The following MRPL45 variants were observed in gnomAD, a reference collection of about 807,000 sequenced individuals.
MRPL45 encodes the protein large ribosomal subunit protein mL45.
In MRPL45, 20 loss-of-function variants were observed where a neutral mutation model predicts 38.1. The observed-to-expected ratio is 0.53, with a 90% CI of 0.37 to 0.76. The LOEUF is 0.76. MRPL45 is among the 30% of genes least tolerant of loss of function. The probability of loss-of-function intolerance (pLI) is 0.00; values close to 1 mark genes in which losing one functional copy is unlikely to be tolerated. For missense variants in MRPL45, 337 were observed against 395.6 expected (o/e 0.85, Z 1.26); for synonymous variants, 105 against 128.8 (o/e 0.82, Z 1.25).
At chr17:38,312,673 TC>T in intron 4 of MRPL45, among the ~76,000 whole-genome samples, 1 of 152,114 alleles carries the variant, frequency 6.6e-6, no homozygotes, top group Admixed American at 6.6e-5. Flanking sequence ...TAAGACCCCA[TC>T]TCTATAAAAA....
intron 6 of MRPL45, 31 bp from the exon 7 acceptor site, chr17:38,322,095 T>G: frequency 6.3e-7 from 1 of 1,599,838 alleles, no homozygotes; most frequent in Non-Finnish European, 8.5e-7. Context: ...CCAAAAAAAC[T>G]AAGAGGCCAG....
At chr17:38,316,566 T>C (rs2144233071) in intron 4 of MRPL45, among the ~76,000 whole-genome samples, 1 of 151,822 alleles carries the variant, frequency 6.6e-6, no homozygotes, top group Non-Finnish European at 1.5e-5. Flanking sequence ...TCCAGTACTT[T>C]GGGAGGCCGA....
chr17:38,306,386 G>A (rs2037054276), intron 3 of MRPL45, 147 bp from the exon 4 acceptor site: 15 of 779,426 alleles, frequency 1.9e-5, no homozygotes, highest in Non-Finnish European at 2.5e-5. Context: ...TCCAGCCTGG[G>A]TGACAGAGCG....
intron 4 of MRPL45, among the ~76,000 whole-genome samples, chr17:38,312,539 A>C (rs1237908723): frequency 5.3e-5 from 8 of 151,880 alleles, no homozygotes; most frequent in Non-Finnish European, 1.0e-4. Flanking sequence ...TATACTCAGA[A>C]CTGAAGTTGT....
intron 5 of MRPL45, among the ~76,000 whole-genome samples, chr17:38,320,214 C>T (rs2037216054): frequency 6.6e-6 from 1 of 152,180 alleles, no homozygotes; most frequent in Non-Finnish European, 1.5e-5. Context: ...GTAAAATTCC[C>T]ACTTTTCATT....
intron 4 of MRPL45, among the ~76,000 whole-genome samples, chr17:38,317,754 T>C (rs1030855101): frequency 6.6e-6 from 1 of 151,872 alleles, no homozygotes; most frequent in East Asian, 1.9e-4. Context: ...TTTGTATTTT[T>C]AGTAGAGATG....
At chr17:38,306,735 T>A in intron 4 of MRPL45, 104 bp downstream of exon 4, 1 of 1,428,652 alleles carries the variant, frequency 7.0e-7, no homozygotes, top group Non-Finnish European at 9.6e-7. Context: ...AAATTTGTTT[T>A]CTGCCTTCAG....
chr17:38,306,602 C>G lies in MRPL45; in HGVS notation c.432C>G (p.Ile144Met). 6.2e-7 allele frequency: 1 copy of G among 1,613,444 alleles called. No homozygotes were observed. Among genetic ancestry groups the G allele is most frequent in the Non-Finnish European group, 8.5e-7 (1 of 1,179,800 alleles). The change falls in exon 4 of 8, where the codon ATC (isoleucine) becomes ATG (methionine). Residue 144 changes from isoleucine (I) to methionine (M), a missense_variant. Coordinates refer to ENST00000613675, the MANE Select transcript of MRPL45 (RefSeq NM_032351.6). ...ACTTCCCTGAAAAAGCTAAGGATATCTTTATTGAAGCTCACCTTTGTCTAA... is the reference window on the plus strand; with the variant it reads ...ACTTCCCTGAAAAAGCTAAGGATATGTTTATTGAAGCTCACCTTTGTCTAA... ...IKDFPEKAKD[I>M]FIEAHLCLNN...
chr17:38,311,703 A>G (rs1211654008), intron 4 of MRPL45, among the ~76,000 whole-genome samples: 68 of 149,312 alleles, frequency 4.6e-4, no homozygotes, highest in Middle Eastern at 3.4e-3. Flanking sequence ...AAAAAAAAAA[A>G]AGAGACCTGA....
intron 1 of MRPL45, among the ~76,000 whole-genome samples, chr17:38,298,240 A>G (rs1330902478): frequency 6.6e-6 from 1 of 152,096 alleles, no homozygotes; most frequent in Non-Finnish European, 1.5e-5. Flanking sequence ...GCCTTTAGTA[A>G]ATGTGATGTT....
In MRPL45 at chr17:38,322,629, G is replaced by A; in HGVS notation, c.*34G>A. Reference sequence around the variant, plus strand: ...ATGACTTCTAGGGTGAAGCCTGGGTGATGAGGCTGCTGGAAGCTTTGAAGT... The same window carrying A: ...ATGACTTCTAGGGTGAAGCCTGGGTAATGAGGCTGCTGGAAGCTTTGAAGT... On this transcript the variant is annotated 3_prime_UTR_variant, in exon 8 of 8. Coordinates refer to ENST00000613675, the MANE Select transcript of MRPL45 (RefSeq NM_032351.6). 1.3e-6 allele frequency: 2 copies of A among 1,545,560 alleles called. No individual in the cohort carries two copies. The highest frequency in any genetic ancestry group is 8.9e-7 in the Non-Finnish European group (1 of 1,123,830).
chr17:38,321,998 C>G (rs1287643436), intron 6 of MRPL45, 128 bp from the exon 7 acceptor site: 2 of 958,020 alleles, frequency 2.1e-6, no homozygotes, highest in Admixed American at 2.3e-5. Flanking sequence ...TGCCACTGCA[C>G]TCCAGCCAGG....
intron 4 of MRPL45, among the ~76,000 whole-genome samples, chr17:38,313,779 C>T (rs1221198436): frequency 6.6e-6 from 1 of 151,574 alleles, no homozygotes; most frequent in African/African-American, 2.4e-5. Flanking sequence ...TCTCCTGCCT[C>T]AGCCTCCCGA....
intron 4 of MRPL45, among the ~76,000 whole-genome samples, chr17:38,312,940 T>C (rs1449869804): frequency 6.6e-6 from 1 of 151,836 alleles, no homozygotes; most frequent in Non-Finnish European, 1.5e-5. Flanking sequence ...AGGATTCCAG[T>C]TTCTCTACAT....
chr17:38,322,077 C>T, intron 6 of MRPL45, 49 bp from the exon 7 acceptor site: 1 of 1,573,810 alleles, frequency 6.4e-7, no homozygotes, highest in Non-Finnish European at 8.7e-7. Context: ...ACAACTCACA[C>T]TCACACACCA....
rs1597652659 is a variant in MRPL45 at position 38,313,335 on chromosome 17, T to TATATATATATAC, written c.462-5351_462-5340dup. On this transcript the variant is annotated intron_variant, in intron 4 of 7. Coordinates refer to ENST00000613675, the MANE Select transcript of MRPL45 (RefSeq NM_032351.6). Reference sequence around the variant, plus strand: ...AAATATATATATATATATATATACATATATATATATACGTATATATATATA... The same window carrying TATATATATATAC: ...AAATATATATATATATATATATACATATATATATATACATATATATATACGTATATATATATA... Among the ~76,000 whole-genome samples the TATATATATATAC allele has an allele frequency of 1.7e-3, 32 of 18,516 alleles. 4 individuals carry two copies. In the East Asian group the frequency reaches 0.03, roughly 17 times the overall value. The allele number at this position is 18,516 out of a possible 152,430, so 12.1% of individuals were successfully genotyped here.
At chr17:38,309,697 A>C (rs367998760) in intron 4 of MRPL45, among the ~76,000 whole-genome samples, 2 of 151,752 alleles carry the variant, frequency 1.3e-5, no homozygotes, top group East Asian at 3.9e-4. Flanking sequence ...GGCTTCAAGC[A>C]ATCCTTCCAC....
At chr17:38,299,582 A>G (rs2144198922) in intron 3 of MRPL45, 114 bp downstream of exon 3, 1 of 709,068 alleles carries the variant, frequency 1.4e-6, no homozygotes, top group Non-Finnish European at 2.3e-6. Context: ...TCTTAATAAC[A>G]TGATGGTATT....
chr17:38,313,369 TATATATATATATATACATATATATA>T, intron 4 of MRPL45, among the ~76,000 whole-genome samples: 1 of 16,802 alleles, frequency 6.0e-5, no homozygotes, highest in Non-Finnish European at 1.0e-4. Context: ...TATATATACG[TATATATATATATATACATATATATA>T]TATATATATG....
Sources: allele counts gnomAD v4.1 joint callset (sites outside exome capture counted in the v4.1 genomes callset), GRCh38; gene constraint gnomAD v4.1.1; transcripts MANE v1.5; gene names NCBI Gene and HGNC (gene_info 2026-07-23, HGNC 2026-07-21).